PRKAR2B: variants seen among roughly 807,000 people sequenced by gnomAD.
PRKAR2B encodes cAMP-dependent protein kinase type II-beta regulatory subunit.
In PRKAR2B, 14 loss-of-function variants were observed where a neutral mutation model predicts 49.9. The observed-to-expected ratio is 0.28, with a 90% CI of 0.19 to 0.44. The LOEUF (loss-of-function observed/expected upper bound fraction) is 0.44. Ranked by LOEUF, PRKAR2B falls within the 20% of genes least tolerant of loss-of-function variation. The pLI, the probability that PRKAR2B is intolerant of heterozygous loss-of-function variation, is 1.00. For missense variants in PRKAR2B, 393 were observed against 537.9 expected (o/e 0.73, Z 2.67); for synonymous variants, 196 against 197.7 (o/e 0.99, Z 0.07).
chr7:107,060,268 T>C (rs1794001052), intron 1 of PRKAR2B, among the ~76,000 whole-genome samples: 1 of 152,092 alleles, frequency 6.6e-6, no homozygotes, highest in South Asian at 2.1e-4. Flanking sequence ...GAAAGGTTGA[T>C]TGTAGGGGTG....
At chr7:107,073,346 G>A (rs1653965902) in intron 2 of PRKAR2B, among the ~76,000 whole-genome samples, 1 of 152,248 alleles carries the variant, frequency 6.6e-6, no homozygotes, top group Non-Finnish European at 1.5e-5. Flanking sequence ...GCCCACAAAC[G>A]TGTCAGTTTT....
At chr7:107,153,080 T>G in intron 7 of PRKAR2B, 97 bp from the exon 8 acceptor site, 1 of 703,364 alleles carries the variant, frequency 1.4e-6, no homozygotes, top group Non-Finnish European at 2.3e-6. Flanking sequence ...ACTGCTCGAT[T>G]TATTTGGCCT....
At chr7:107,141,624 G>A (rs1795791972) in intron 5 of PRKAR2B, among the ~76,000 whole-genome samples, 1 of 152,172 alleles carries the variant, frequency 6.6e-6, no homozygotes, top group African/African-American at 2.4e-5. Flanking sequence ...CCCGGCAGGT[G>A]GAGGTTGCAG....
intron 2 of PRKAR2B, among the ~76,000 whole-genome samples, chr7:107,099,912 G>A (rs575672881): frequency 3.9e-5 from 6 of 152,264 alleles, no homozygotes; most frequent in African/African-American, 1.4e-4. Context: ...GGGATTACAG[G>A]CGTGAGCCAC....
At position 107,083,194 on chromosome 7, in the gene PRKAR2B, G is replaced by A. The variant is rs1243539127; in HGVS notation, c.343+12878G>A. On this transcript the variant is annotated intron_variant, in intron 2 of 10. Transcript: ENST00000265717. ...ATTGTGCTACTACGCTCCAGCCTGG[G>A]CAACAGAGCGAGACTGTCTCAAAAA... 4.7e-5 allele frequency among the ~76,000 whole-genome samples: 7 copies of A among 150,526 alleles called. No individual in the cohort carries two copies. The East Asian group carries it at 9.8e-4, about 21-fold the overall frequency.
At chr7:107,134,007 A>T (rs1795650069) in intron 4 of PRKAR2B, among the ~76,000 whole-genome samples, 1 of 151,858 alleles carries the variant, frequency 6.6e-6, no homozygotes, top group Admixed American at 6.6e-5. Context: ...CAGAATAGAC[A>T]TACTGTTATG....
chr7:107,114,526 TA>T lies in PRKAR2B; in HGVS notation c.344-7424del, dbSNP rs1339384491. On this transcript the variant is annotated intron_variant, in intron 2 of 10. Coordinates refer to ENST00000265717, the MANE Select transcript of PRKAR2B (RefSeq NM_002736.3). ...ACAGGCACGCACCACCATGCCCGGTTAATTTTTTTTTTTTTTTTTTTTTCTT... is the reference window on the plus strand; with the variant it reads ...ACAGGCACGCACCACCATGCCCGGTTATTTTTTTTTTTTTTTTTTTTTCTT... Among the ~76,000 whole-genome samples, 497 of 135,176 alleles carry T rather than the reference TA, an allele frequency of 3.7e-3. 3 individuals are homozygous for T. Among genetic ancestry groups the T allele is most frequent in the African/African-American group, 0.016 (471 of 29,556 alleles). The allele number at this position is 135,176 out of a possible 152,430, so 88.7% of individuals were successfully genotyped here.
Position 107,150,948 on chromosome 7 carries a change from T to C in PRKAR2B, c.768T>C (p.Ile256=). Residue 256 remains isoleucine (I), a synonymous_variant, in exon 7 of 11, where the codon ATT becomes ATC. Coordinates refer to ENST00000265717, the MANE Select transcript of PRKAR2B (RefSeq NM_002736.3). ...GLDRVTFRRI[I]VKNNAKKRKM... Reference sequence around the variant, plus strand: ...ACAGGGTAACCTTCAGGAGAATAATTGTGAAAAACAATGCCAAAAAGAGAA... The same window carrying C: ...ACAGGGTAACCTTCAGGAGAATAATCGTGAAAAACAATGCCAAAAAGAGAA... 2 of 1,599,884 alleles carry C rather than the reference T, an allele frequency of 1.3e-6. No homozygotes were observed. The highest frequency in any genetic ancestry group is 1.7e-6 in the Non-Finnish European group (2 of 1,174,134).
chr7:107,059,460 A>G (rs1388891204), intron 1 of PRKAR2B, among the ~76,000 whole-genome samples: 1 of 152,036 alleles, frequency 6.6e-6, no homozygotes, highest in Non-Finnish European at 1.5e-5. Flanking sequence ...GCATTAGGTT[A>G]GAAATTTGTA....
At chr7:107,101,955 A>G (rs1325893749) in intron 2 of PRKAR2B, among the ~76,000 whole-genome samples, 1 of 127,236 alleles carries the variant, frequency 7.9e-6, no homozygotes, top group Admixed American at 1.1e-4. Flanking sequence ...CATGCTCCTC[A>G]TTCTGCTGTA....
At chr7:107,153,607 G>T (rs187999952) in intron 8 of PRKAR2B, among the ~76,000 whole-genome samples, 1 of 152,330 alleles carries the variant, frequency 6.6e-6, no homozygotes, top group East Asian at 1.9e-4. Context: ...AGTTCATGAT[G>T]AAAATTCCTG....
intron 2 of PRKAR2B, among the ~76,000 whole-genome samples, chr7:107,100,194 CA>C (rs1432714673): frequency 3.9e-5 from 6 of 152,004 alleles, no homozygotes; most frequent in Non-Finnish European, 1.5e-5. Context: ...TTGCTAGCTG[CA>C]AATACTCCTA....
At chr7:107,137,153 G>A (rs971486903) in intron 4 of PRKAR2B, among the ~76,000 whole-genome samples, 4 of 152,154 alleles carry the variant, frequency 2.6e-5, no homozygotes, top group African/African-American at 4.8e-5. Context: ...TTCCTAGGCA[G>A]GTCTTTATAT....
intron 2 of PRKAR2B, among the ~76,000 whole-genome samples, chr7:107,094,305 C>CT (rs1372681596): frequency 6.6e-6 from 1 of 152,162 alleles, no homozygotes; most frequent in Non-Finnish European, 1.5e-5. Context: ...GCATAAATGT[C>CT]TTCTTTTGAG....
intron 2 of PRKAR2B, among the ~76,000 whole-genome samples, chr7:107,094,206 A>G (rs1018603557): frequency 6.6e-6 from 1 of 152,160 alleles, no homozygotes; most frequent in Non-Finnish European, 1.5e-5. Flanking sequence ...TCGCCATTCT[A>G]ACTGGTGTGA....
intron 2 of PRKAR2B, among the ~76,000 whole-genome samples, chr7:107,117,669 T>C (rs1379249081): frequency 6.7e-6 from 1 of 149,870 alleles, no homozygotes; most frequent in Non-Finnish European, 1.5e-5. Flanking sequence ...TTTTAAAACA[T>C]CAACAACAAA....
At chr7:107,130,035 G>T in intron 4 of PRKAR2B, among the ~76,000 whole-genome samples, 1 of 151,224 alleles carries the variant, frequency 6.6e-6, no homozygotes, top group East Asian at 1.9e-4. Flanking sequence ...AGCCCAGTAG[G>T]TTTCAGCCTT....
At chr7:107,091,488 C>T (rs1169335794) in intron 2 of PRKAR2B, among the ~76,000 whole-genome samples, 2 of 152,174 alleles carry the variant, frequency 1.3e-5, no homozygotes, top group African/African-American at 4.8e-5. Flanking sequence ...AAAGGAGCTG[C>T]GTGCACATTC....
rs1378117765 is a variant in PRKAR2B, at chr7:107,121,292, G to A, written c.344-660G>A. Among the ~76,000 whole-genome samples the A allele has an allele frequency of 3.3e-5, 5 of 152,206 alleles. No homozygotes were observed. The East Asian group carries it at 7.7e-4, about 23-fold the overall frequency. On this transcript the variant is annotated intron_variant, in intron 2 of 10. Coordinates refer to ENST00000265717, the MANE Select transcript of PRKAR2B (RefSeq NM_002736.3). ...GATGCATGAAGGTGTTTACTGCAAA[G>A]TTGTTTTAATATAAGCCAGCTAAAT...
Sources: allele counts gnomAD v4.1 joint callset (sites outside exome capture counted in the v4.1 genomes callset), GRCh38; gene constraint gnomAD v4.1.1; transcripts MANE v1.5; gene names NCBI Gene and HGNC (gene_info 2026-07-23, HGNC 2026-07-21).